Variants in CEP57 observed in about 807,000 individuals in gnomAD.
CEP57 encodes the protein centrosomal protein 57, also known as centrosomal protein of 57 kDa.
CEP57 carries 40 observed loss-of-function variants against 68.0 expected under a neutral mutation model. That is an observed-to-expected ratio of 0.59 (90% CI 0.46 to 0.77). The LOEUF (loss-of-function observed/expected upper bound fraction) is 0.77, where lower values mean the gene tolerates loss of function less well. CEP57 is among the 30% of genes least tolerant of loss of function. CEP57 has a pLI of 0.00. For missense variants in CEP57, 606 were observed against 580.7 expected (o/e 1.04, Z -0.45); for synonymous variants, 219 against 198.7 (o/e 1.10, Z -0.86).
At position 95,808,652 on chromosome 11, in the gene CEP57, A is replaced by T. The variant is rs537745488; in HGVS notation, c.203-4280A>T. Reference sequence around the variant, plus strand: ...GTAAAGGGATCAATTCAACAAGAAGAGCTAACCTAAATATATATGCGCCCA... The same window carrying T: ...GTAAAGGGATCAATTCAACAAGAAGTGCTAACCTAAATATATATGCGCCCA... On this transcript the variant is annotated intron_variant, in intron 2 of 10. Coordinates refer to ENST00000325542, the MANE Select transcript of CEP57 (RefSeq NM_014679.5). 6.6e-5 allele frequency among the ~76,000 whole-genome samples: 10 copies of T among 152,352 alleles called. No homozygotes were observed. In the East Asian group the frequency reaches 1.9e-3, roughly 29 times the overall value.
rs539951927 is a variant in CEP57 at position 95,806,293 on chromosome 11, C to T, written c.203-6639C>T. Reference sequence around the variant, plus strand: ...GCCAAATAGGAACAGCTCCAGTCTACAGCTCCCAGTGTGAGTGACACAGAA... The same window carrying T: ...GCCAAATAGGAACAGCTCCAGTCTATAGCTCCCAGTGTGAGTGACACAGAA... On this transcript the variant is annotated intron_variant, in intron 2 of 10. Coordinates refer to ENST00000325542, the MANE Select transcript of CEP57 (RefSeq NM_014679.5). Among the ~76,000 whole-genome samples, 5 of 152,308 alleles carry T rather than the reference C, an allele frequency of 3.3e-5. No individual in the cohort carries two copies. In the East Asian group the frequency reaches 9.6e-4, roughly 29 times the overall value.
rs113019397 is a variant in CEP57 at position 95,799,759 on chromosome 11, C to G, written c.202+371C>G. 2.0e-4 allele frequency among the ~76,000 whole-genome samples: 31 copies of G among 152,230 alleles called. 1 individual carries two copies. The highest frequency in any genetic ancestry group is 7.5e-4 in the African/African-American group (31 of 41,522). On this transcript the variant is annotated intron_variant, in intron 2 of 10. Coordinates refer to ENST00000325542, the MANE Select transcript of CEP57 (RefSeq NM_014679.5). The stretch of plus-strand genomic sequence containing the variant: ...ATCTGTAGCCCAGATGTTCATAGTA[C>G]ATTCCTCATTAATCTCCCTGCCTGT...
intron 5 of CEP57, 46 bp from the exon 6 acceptor site, chr11:95,818,781 A>C (rs1565327156): frequency 6.9e-7 from 1 of 1,455,948 alleles, no homozygotes; most frequent in Non-Finnish European, 9.6e-7. Context: ...TTTTACAGAC[A>C]CTTAAGATTT....
intron 2 of CEP57, 74 bp from the exon 3 acceptor site, chr11:95,812,858 G>A: frequency 7.6e-7 from 1 of 1,307,378 alleles, no homozygotes; most frequent in Non-Finnish European, 1.1e-6. Context: ...TTATTTAGAT[G>A]AGTTTATTCT....
intron 2 of CEP57, among the ~76,000 whole-genome samples, chr11:95,802,584 G>A (rs1318451623): frequency 6.6e-6 from 1 of 152,116 alleles, no homozygotes; most frequent in East Asian, 1.9e-4. Context: ...CTTCATCAAG[G>A]ACATTGTGGC....
intron 2 of CEP57, among the ~76,000 whole-genome samples, chr11:95,807,047 G>A (rs562475977): frequency 2.0e-3 from 300 of 152,214 alleles, no homozygotes; most frequent in African/African-American, 6.8e-3. Flanking sequence ...AGGCAGCAAC[G>A]TTTGCCATTC....
chr11:95,823,921 T>A (rs907948498), intron 8 of CEP57, among the ~76,000 whole-genome samples: 36 of 152,086 alleles, frequency 2.4e-4, no homozygotes, highest in African/African-American at 7.7e-4. Flanking sequence ...TATCAAGTGC[T>A]ACTAATGATG....
At position 95,814,306 on chromosome 11, in the gene CEP57, C is replaced by T. The variant is rs11021325; in HGVS notation, c.504+717C>T. ...TCAAGTGATCAGGCCGCCTCGGCCT[C>T]CCAAAGTTCTGGGATTACGGGCATG... On this transcript the variant is annotated intron_variant, in intron 4 of 10. Transcript: ENST00000325542. 2.1e-3 allele frequency among the ~76,000 whole-genome samples: 320 copies of T among 151,796 alleles called. 10 individuals carry two copies. The East Asian group carries it at 0.049, about 23-fold the overall frequency.
chr11:95,818,993 A>G, intron 6 of CEP57, 89 bp downstream of exon 6: 1 of 1,025,754 alleles, frequency 9.7e-7, no homozygotes, highest in Non-Finnish European at 1.5e-6. Context: ...ATCTTACATT[A>G]TTTGTATTTT....
chr11:95,795,651 A>G lies in CEP57; in HGVS notation c.46-3581A>G, dbSNP rs541578355. The G allele has an allele frequency of 8.1e-6, 4 of 491,006 alleles. No homozygotes were observed. In the East Asian group the frequency reaches 9.9e-5, roughly 12 times the overall value. The allele number at this position is 491,006 out of a possible 1,614,324, so 30.4% of individuals were successfully genotyped here. A position where few individuals can be genotyped will look rare whatever the true frequency, so the allele number is the denominator to read the frequency against. On this transcript the variant is annotated intron_variant, in intron 1 of 10. Coordinates refer to ENST00000325542, the MANE Select transcript of CEP57 (RefSeq NM_014679.5). ...TTGCCATCTTTTCTTGTAAAACTTC[A>G]TATTATCATAAGGAAGTAAGTTTTT...
intron 8 of CEP57, among the ~76,000 whole-genome samples, chr11:95,824,369 T>G (rs1862649854): frequency 6.6e-6 from 1 of 152,072 alleles, no homozygotes; most frequent in African/African-American, 2.4e-5. Context: ...AGCTTTTATG[T>G]GGATGCAGGA....
At chr11:95,796,124 C>T (rs2135247339) in intron 1 of CEP57, among the ~76,000 whole-genome samples, 1 of 152,312 alleles carries the variant, frequency 6.6e-6, no homozygotes, top group South Asian at 2.1e-4. Flanking sequence ...TAATATCTTG[C>T]AGCTGTGTTG....
rs1019810903 is a variant in CEP57 at position 95,831,736 on chromosome 11, G to GC, written c.*480_*481insC. ...AACATACTTTGTTTCTACTATTGGT[G>GC]GAGTTTTTCTATATTTAAAAATACA... On this transcript the variant is annotated 3_prime_UTR_variant, in exon 11 of 11. Coordinates refer to ENST00000325542, the MANE Select transcript of CEP57 (RefSeq NM_014679.5). The GC allele has an allele frequency of 6.6e-6, 1 of 152,076 alleles. No homozygotes were observed. Among genetic ancestry groups the GC allele is most frequent in the Admixed American group, 6.6e-5 (1 of 15,238 alleles). The allele number at this position is 152,076 out of a possible 1,614,324, so 9.4% of individuals were successfully genotyped here.
At chr11:95,814,470 C>T (rs1301276795) in intron 4 of CEP57, among the ~76,000 whole-genome samples, 3 of 151,362 alleles carry the variant, frequency 2.0e-5, no homozygotes, top group Middle Eastern at 3.5e-3. Flanking sequence ...AAGTGATTCT[C>T]CTGCCTCAGC....
chr11:95,817,836 A>G lies in CEP57; in HGVS notation c.554A>G (p.Gln185Arg). 1 of 1,614,076 alleles carries G rather than the reference A, an allele frequency of 6.2e-7. No individual in the cohort carries two copies. Among genetic ancestry groups the G allele is most frequent in the Non-Finnish European group, 8.5e-7 (1 of 1,179,982 alleles). The stretch of plus-strand genomic sequence containing the variant: ...CATGATCAAACACATGTTCAGAGCC[A>G]ACTTGAAAAATTGGATCTTCTTGAA... ...RQHDQTHVQS[Q>R]LEKLDLLEQE... Residue 185 changes from glutamine to arginine, a missense_variant, in exon 5 of 11, where the codon CAA becomes CGA. By Grantham distance (43) the Gln-to-Arg change is conservative. Coordinates refer to ENST00000325542, the MANE Select transcript of CEP57 (RefSeq NM_014679.5).
At chr11:95,794,320 G>A (rs950330541) in intron 1 of CEP57, 4 of 455,792 alleles carry the variant, frequency 8.8e-6, no homozygotes, top group African/African-American at 2.0e-5. Flanking sequence ...AGAGAAAATC[G>A]TTCAGCAAAT....
At chr11:95,820,593 A>G (rs1055672649) in intron 6 of CEP57, among the ~76,000 whole-genome samples, 15 of 151,968 alleles carry the variant, frequency 9.9e-5, no homozygotes, top group Non-Finnish European at 4.4e-5. Flanking sequence ...AAAAAAAAAA[A>G]AAAACAGTGT....
chr11:95,829,264 A>C lies in CEP57; in HGVS notation c.1205A>C (p.Glu402Ala). 6.2e-7 allele frequency: 1 copy of C among 1,614,060 alleles called. No individual in the cohort carries two copies. Among genetic ancestry groups the C allele is most frequent in the East Asian group, 2.2e-5 (1 of 44,878 alleles). Residue 402 changes from glutamate to alanine, a missense_variant, in exon 10 of 11, where the codon GAG (glutamate) becomes GCG (alanine). Physicochemically the swap from Glu to Ala is moderately radical, Grantham distance 107. Transcript: ENST00000325542. The part of the protein sequence containing the change: ...ELKDKLECEL[E>A]ALVGRMEAKA... Reference sequence around the variant, plus strand: ...AAAGACAAGTTGGAGTGTGAATTGGAGGCATTAGTGGGAAGGATGGAAGCA... The same window carrying C: ...AAAGACAAGTTGGAGTGTGAATTGGCGGCATTAGTGGGAAGGATGGAAGCA...
rs1255065797 is a variant in CEP57, at chr11:95,831,549, T to C, written c.*293T>C. 1 of 205,816 alleles carries C rather than the reference T, an allele frequency of 4.9e-6. No individual in the cohort carries two copies. Among genetic ancestry groups the C allele is most frequent in the Non-Finnish European group, 9.8e-6 (1 of 102,390 alleles). The allele number at this position is 205,816 out of a possible 1,614,324, so 12.7% of individuals were successfully genotyped here. A position where few individuals can be genotyped will look rare whatever the true frequency, so the allele number is the denominator to read the frequency against. On this transcript the variant is annotated 3_prime_UTR_variant, in exon 11 of 11. Transcript: ENST00000325542. ...TGTAAACAGATTACCAGTTTTTTAC[T>C]TGTGGGTGTGATTTTTTAAAATAGT...
Sources: gnomAD v4.1 joint callset for allele counts (sites outside exome capture counted in the v4.1 genomes callset) on GRCh38, gnomAD v4.1.1 for gene constraint, MANE v1.5 for transcripts, NCBI Gene and HGNC (gene_info 2026-07-23, HGNC 2026-07-21) for gene names.